Variants in GFRA1 observed in about 807,000 individuals in gnomAD.
The protein encoded by GFRA1 is GDNF family receptor alpha 1, also known as GDNF family receptor alpha-1.
In GFRA1, 16 loss-of-function variants were observed where a neutral mutation model predicts 51.6. The ratio of observed to expected loss-of-function variants is 0.31; its 90% CI spans 0.21 to 0.47. GFRA1 has a LOEUF of 0.47. Ranked by LOEUF, GFRA1 falls within the 20% of genes least tolerant of loss-of-function variation. The pLI is 1.00. For synonymous variants in GFRA1, 270 were observed against 241.3 expected, an observed-to-expected ratio of 1.12 and a Z score of -1.10; for missense variants, 530 against 594.3, an observed-to-expected ratio of 0.89 and a Z score of 1.13.
chr10:116,123,858 C>A (rs555200471), intron 6 of GFRA1, among the ~76,000 whole-genome samples: 1 of 152,262 alleles, frequency 6.6e-6, no homozygotes, highest in African/African-American at 2.4e-5. Flanking sequence ...TGAAGGGTAA[C>A]TTTATCTTTT....
intron 5 of GFRA1, among the ~76,000 whole-genome samples, chr10:116,185,601 C>G (rs1962630320): frequency 6.6e-6 from 1 of 152,170 alleles, no homozygotes; most frequent in Non-Finnish European, 1.5e-5. Flanking sequence ...CTCTTTGCCT[C>G]TGGGCAGGAT....
In GFRA1 at chr10:116,089,533, G is replaced by A. The variant is rs551172805; in HGVS notation, c.1197+208C>T. On this transcript the variant is annotated intron_variant, in intron 9 of 10. Transcript: ENST00000355422. ...GAAACAAGCCACACTCCCAGTAAAC[G>A]ACAGAGTCAGTTCCATAGTCGGACT... is the stretch of plus-strand genomic sequence containing the variant. 3.9e-5 allele frequency among the ~76,000 whole-genome samples: 6 copies of A among 152,272 alleles called. No individual in the cohort carries two copies. In the South Asian group the frequency reaches 1.0e-3, roughly 26 times the overall value.
chr10:116,113,136 A>G (rs1957277859), intron 6 of GFRA1, among the ~76,000 whole-genome samples: 1 of 151,904 alleles, frequency 6.6e-6, no homozygotes, highest in South Asian at 2.1e-4. Flanking sequence ...CCTTCCAGCC[A>G]GATGCTAAAT....
Position 116,057,365 on chromosome 10 carries a change from CA to C in GFRA1, c.*7032del, listed in dbSNP as rs1418949519. 1 of 152,132 alleles carries C rather than the reference CA, an allele frequency of 6.6e-6. No individual in the cohort carries two copies. Among genetic ancestry groups the C allele is most frequent in the African/African-American group, 2.4e-5 (1 of 41,418 alleles). 9.4% of individuals were successfully genotyped at this position (152,132 alleles called of 1,614,324 possible). ...AGACTGGGTGTCTGAACCCCTCACT[CA>C]GGAATGAATTCTAAAAATACCCTAA... On this transcript the variant is annotated 3_prime_UTR_variant, in exon 11 of 11. Transcript: ENST00000355422.
chr10:116,209,864 T>C (rs1280903380), intron 5 of GFRA1, among the ~76,000 whole-genome samples: 1 of 152,004 alleles, frequency 6.6e-6, no homozygotes, highest in Non-Finnish European at 1.5e-5. Context: ...AGAATGTGTC[T>C]CCATACGAAA....
intron 5 of GFRA1, among the ~76,000 whole-genome samples, chr10:116,140,411 T>G (rs994354508): frequency 3.9e-5 from 6 of 152,232 alleles, no homozygotes; most frequent in Non-Finnish European, 8.8e-5. Flanking sequence ...CTTCAAGTAC[T>G]GCACATGAGA....
In GFRA1 at chr10:116,133,734, G is replaced by A. The variant is rs765741313; in HGVS notation, c.434-8177C>T. 7.3e-4 allele frequency among the ~76,000 whole-genome samples: 111 copies of A among 152,198 alleles called. 1 individual carries two copies. The highest frequency in any genetic ancestry group is 2.1e-4 in the South Asian group (1 of 4,826). On this transcript the variant is annotated intron_variant, in intron 5 of 10. Transcript: ENST00000355422. ...TGCACTTGGAGGCGCTGGCCTCTCCGCGGTCTGCGGCTCCAAAGGAGTACA... is the reference window on the plus strand; with the variant it reads ...TGCACTTGGAGGCGCTGGCCTCTCCACGGTCTGCGGCTCCAAAGGAGTACA...
At chr10:116,098,207 T>C (rs1271775130) in intron 6 of GFRA1, among the ~76,000 whole-genome samples, 1 of 152,206 alleles carries the variant, frequency 6.6e-6, no homozygotes, top group African/African-American at 2.4e-5. Flanking sequence ...AGAGAGCTCC[T>C]GTATAAGTCT....
chr10:116,071,231 CCTGGGACTGT>C (rs1955376780), intron 9 of GFRA1, among the ~76,000 whole-genome samples: 2 of 152,246 alleles, frequency 1.3e-5, no homozygotes, highest in South Asian at 4.1e-4. Flanking sequence ...TACCACTGAG[CCTGGGACTGT>C]CTGGTCTCCT....
At chr10:116,126,600 T>C (rs763987868) in intron 5 of GFRA1, among the ~76,000 whole-genome samples, 1 of 152,202 alleles carries the variant, frequency 6.6e-6, no homozygotes, top group Non-Finnish European at 1.5e-5. Context: ...AGGTGGTCCA[T>C]GGAGTAGTGA....
chr10:116,271,090 G>A lies in GFRA1; in HGVS notation c.66C>T (p.Ser22=), dbSNP rs1167104442. The A allele has an allele frequency of 5.0e-6, 8 of 1,607,930 alleles. No homozygotes were observed. Among genetic ancestry groups the A allele is most frequent in the Middle Eastern group, 1.7e-4 (1 of 6,040 alleles). The change falls in exon 3 of 11, where the codon AGC becomes AGT. Residue 22 remains serine (S), a synonymous_variant. Coordinates refer to ENST00000355422, the MANE Select transcript of GFRA1 (RefSeq NM_005264.8). ...LLDLLLSAEV[S]GGDRLDCVKA... Reference sequence around the variant, plus strand: ...TCACGCAATCCAGGCGGTCTCCGCCGCTCACTTCGGCCGACAGGAGCAAGT... The same window carrying A: ...TCACGCAATCCAGGCGGTCTCCGCCACTCACTTCGGCCGACAGGAGCAAGT...
intron 5 of GFRA1, among the ~76,000 whole-genome samples, chr10:116,189,267 C>A (rs902408298): frequency 3.3e-5 from 5 of 152,244 alleles, no homozygotes; most frequent in African/African-American, 1.2e-4. Flanking sequence ...TCAGGTGGCA[C>A]CTAATGCCAC....
chr10:116,157,522 C>T (rs1959269925), intron 5 of GFRA1, among the ~76,000 whole-genome samples: 1 of 152,202 alleles, frequency 6.6e-6, no homozygotes, highest in Non-Finnish European at 1.5e-5. Context: ...GCTCTCTGTT[C>T]ATTCAAGCCT....
intron 5 of GFRA1, among the ~76,000 whole-genome samples, chr10:116,164,553 A>T (rs551252202): frequency 3.9e-5 from 6 of 152,314 alleles, no homozygotes; most frequent in African/African-American, 9.6e-5. Context: ...CCAAGGCTTC[A>T]GGGTGAACGG....
chr10:116,221,335 C>A (rs1181325558), intron 4 of GFRA1, among the ~76,000 whole-genome samples: 1 of 152,168 alleles, frequency 6.6e-6, no homozygotes, highest in Non-Finnish European at 1.5e-5. Context: ...TCAATGAATA[C>A]ACCATTGATA....
At chr10:116,271,209 T>C in intron 2 of GFRA1, 94 bp from the exon 3 acceptor site, 1 of 1,068,178 alleles carries the variant, frequency 9.4e-7, no homozygotes, top group Non-Finnish European at 1.3e-6. Context: ...TCAGGGATGC[T>C]TGACCAGCCT....
chr10:116,238,183 T>G (rs777453933), intron 4 of GFRA1, among the ~76,000 whole-genome samples: 5 of 152,216 alleles, frequency 3.3e-5, no homozygotes, highest in Non-Finnish European at 7.3e-5. Flanking sequence ...CTTCACAGGC[T>G]CTTTTGTGCG....
At chr10:116,109,779 C>A (rs1303287575) in intron 6 of GFRA1, among the ~76,000 whole-genome samples, 1 of 152,154 alleles carries the variant, frequency 6.6e-6, no homozygotes, top group Admixed American at 6.5e-5. Context: ...TGGGGACCTG[C>A]CCTGGAAGAG....
chr10:116,124,233 TTC>T (rs1491098559), intron 6 of GFRA1, among the ~76,000 whole-genome samples: 2 of 149,274 alleles, frequency 1.3e-5, no homozygotes, highest in Non-Finnish European at 3.0e-5. Context: ...CTTCTTCTTC[TTC>T]TTTTTTTTTT....
Sources: allele counts gnomAD v4.1 joint callset (sites outside exome capture counted in the v4.1 genomes callset), GRCh38; gene constraint gnomAD v4.1.1; transcripts MANE v1.5; gene names NCBI Gene and HGNC (gene_info 2026-07-23, HGNC 2026-07-21).